Variants in MSI2 observed in about 807,000 individuals in gnomAD.
MSI2 encodes musashi RNA binding protein 2, also known as RNA-binding protein Musashi homolog 2.
A neutral mutation model predicts 45.6 loss-of-function variants in MSI2; 17 were observed. The ratio of observed to expected loss-of-function variants is 0.37; its 90% CI spans 0.26 to 0.56. MSI2 has a LOEUF of 0.56. Among genes scored for constraint, MSI2 ranks in the 20% least tolerant of loss-of-function variants. The pLI, the probability that MSI2 is intolerant of heterozygous loss-of-function variation, is 0.77. For missense variants in MSI2, 293 were observed against 444.2 expected, an observed-to-expected ratio of 0.66 and a Z score of 3.06; for synonymous variants, 156 against 158.2, an observed-to-expected ratio of 0.99 and a Z score of 0.11.
intron 7 of MSI2, among the ~76,000 whole-genome samples, chr17:57,541,431 C>A (rs1359112550): frequency 6.6e-6 from 1 of 152,100 alleles, no homozygotes; most frequent in African/African-American, 2.4e-5. Flanking sequence ...TGACAACATG[C>A]ACCCTGGCAT....
chr17:57,305,400 A>G (rs1452170805), intron 5 of MSI2, among the ~76,000 whole-genome samples: 2 of 152,192 alleles, frequency 1.3e-5, no homozygotes, highest in Non-Finnish European at 2.9e-5. Flanking sequence ...ACCCGGAGCC[A>G]GTTGTGCCTT....
chr17:57,335,097 G>A (rs116836613), intron 5 of MSI2, among the ~76,000 whole-genome samples: 2,651 of 152,180 alleles, frequency 0.017, 82 homozygotes, highest in African/African-American at 0.061. Context: ...CCAGGAATCC[G>A]TCAGTGCCAG....
chr17:57,375,878 C>T (rs946716106), intron 5 of MSI2, among the ~76,000 whole-genome samples: 4 of 152,174 alleles, frequency 2.6e-5, no homozygotes, highest in African/African-American at 9.7e-5. Flanking sequence ...GTTCCTGTAG[C>T]CAAGGCACCC....
chr17:57,565,558 T>A (rs73994404), intron 7 of MSI2, among the ~76,000 whole-genome samples: 3,795 of 152,314 alleles, frequency 0.025, 169 homozygotes, highest in African/African-American at 0.087. Flanking sequence ...TTTGTCCTGC[T>A]CCATCACAGC....
chr17:57,649,239 TCAACA>T (rs1910935513), intron 10 of MSI2, among the ~76,000 whole-genome samples: 1 of 149,238 alleles, frequency 6.7e-6, no homozygotes, highest in African/African-American at 2.5e-5. Context: ...ATACATACAC[TCAACA>T]CACACATCCA....
chr17:57,337,586 C>T (rs1393767326), intron 5 of MSI2, among the ~76,000 whole-genome samples: 1 of 152,056 alleles, frequency 6.6e-6, no homozygotes, highest in Non-Finnish European at 1.5e-5. Flanking sequence ...CTGTCCCTGT[C>T]GTGTTTACCA....
intron 5 of MSI2, among the ~76,000 whole-genome samples, chr17:57,350,763 C>T (rs974478107): frequency 2.0e-5 from 3 of 152,200 alleles, no homozygotes; most frequent in Non-Finnish European, 4.4e-5. Context: ...CTAGGCTGTG[C>T]TCCTCTCTGT....
intron 11 of MSI2, among the ~76,000 whole-genome samples, chr17:57,657,849 T>C (rs935156389): frequency 1.3e-5 from 2 of 152,170 alleles, no homozygotes; most frequent in Non-Finnish European, 2.9e-5. Flanking sequence ...TTTCAACATG[T>C]ATTTATTAAG....
intron 11 of MSI2, among the ~76,000 whole-genome samples, chr17:57,661,707 A>C (rs1222893892): frequency 6.6e-6 from 1 of 152,032 alleles, no homozygotes; most frequent in Non-Finnish European, 1.5e-5. Flanking sequence ...TCTGCCAACA[A>C]GTTGTTATTT....
Position 57,652,285 on chromosome 17 carries a change from G to C in MSI2, c.790+124G>C, listed in dbSNP as rs1598494032. 8.1e-6 allele frequency: 8 copies of C among 993,424 alleles called. No homozygotes were observed. In the East Asian group the frequency reaches 1.8e-4, roughly 22 times the overall value. 61.5% of individuals were successfully genotyped at this position (993,424 alleles called of 1,614,324 possible). The stretch of plus-strand genomic sequence containing the variant: ...ACCACTCTCACCACAGCCCCGGGGA[G>C]GGGGTGGACGGGGAGGGGGTGGACC... On this transcript the variant is annotated intron_variant, in intron 11 of 13. Coordinates refer to ENST00000284073, the MANE Select transcript of MSI2 (RefSeq NM_138962.4). This position sits in a 1 kb window ranked among gnomAD's most constrained non-coding sequence, Gnocchi z 4.1.
At chr17:57,304,675 C>T (rs1055485700) in intron 5 of MSI2, among the ~76,000 whole-genome samples, 1 of 152,036 alleles carries the variant, frequency 6.6e-6, no homozygotes, top group Non-Finnish European at 1.5e-5. Flanking sequence ...CCTTCTGCCT[C>T]GGCCTCCCAA....
chr17:57,570,104 G>A (rs1198354088), intron 7 of MSI2, among the ~76,000 whole-genome samples: 2 of 152,218 alleles, frequency 1.3e-5, no homozygotes, highest in African/African-American at 4.8e-5. Context: ...TTTACAGAGA[G>A]TTTTTAAATG....
intron 6 of MSI2, among the ~76,000 whole-genome samples, chr17:57,435,987 C>T (rs2084683887): frequency 6.6e-6 from 1 of 152,198 alleles, no homozygotes; most frequent in South Asian, 2.1e-4. Context: ...CCCAGGTCTG[C>T]TGGACCACAA....
In MSI2 at chr17:57,341,574, A is replaced by G. The variant is rs573914003; in HGVS notation, c.313-59805A>G. 2.4e-4 allele frequency among the ~76,000 whole-genome samples: 37 copies of G among 151,702 alleles called. No homozygotes were observed. The South Asian group carries it at 7.5e-3, about 31-fold the overall frequency. On this transcript the variant is annotated intron_variant, in intron 5 of 13. Transcript: ENST00000284073. ...CTGCCAAGGTGAGCCCTCCTCTTTCACTCCCTGGTACATTGTGCTGAGAAC... is the reference window on the plus strand; with the variant it reads ...CTGCCAAGGTGAGCCCTCCTCTTTCGCTCCCTGGTACATTGTGCTGAGAAC...
At chr17:57,555,572 G>A (rs937080547) in intron 7 of MSI2, among the ~76,000 whole-genome samples, 1 of 152,096 alleles carries the variant, frequency 6.6e-6, no homozygotes, top group Non-Finnish European at 1.5e-5. Flanking sequence ...ACTCCTGAGG[G>A]TCCTCAGATG....
chr17:57,427,971 GC>G (rs2143353467), intron 6 of MSI2, among the ~76,000 whole-genome samples: 1 of 152,066 alleles, frequency 6.6e-6, no homozygotes, highest in South Asian at 2.1e-4. Context: ...ATATAGATTA[GC>G]TATATAGACA....
At chr17:57,648,593 C>T (rs1910879451) in intron 10 of MSI2, among the ~76,000 whole-genome samples, 1 of 152,128 alleles carries the variant, frequency 6.6e-6, no homozygotes, top group African/African-American at 2.4e-5. Flanking sequence ...GAGGAGGGAC[C>T]CCCCCACCAC....
At chr17:57,260,878 C>T (rs1242671983) in intron 4 of MSI2, among the ~76,000 whole-genome samples, 1 of 151,872 alleles carries the variant, frequency 6.6e-6, no homozygotes, top group East Asian at 1.9e-4. Flanking sequence ...TTCCCACTCC[C>T]CACCCCCACC....
intron 7 of MSI2, among the ~76,000 whole-genome samples, chr17:57,539,157 T>C (rs913457599): frequency 4.0e-5 from 6 of 151,410 alleles, no homozygotes; most frequent in Admixed American, 1.3e-4. Context: ...AGGGAATCTT[T>C]TTATTATATA....
Sources: allele counts gnomAD v4.1 joint callset (sites outside exome capture counted in the v4.1 genomes callset), GRCh38; gene constraint gnomAD v4.1.1; non-coding constraint Gnocchi (gnomAD v3.1); transcripts MANE v1.5; gene names NCBI Gene and HGNC (gene_info 2026-07-23, HGNC 2026-07-21).